The following TBC1D31 variants were observed in gnomAD, a reference collection of about 807,000 sequenced individuals.
TBC1D31 encodes TBC1 domain family member 31.
In TBC1D31, 99 loss-of-function variants were observed where a neutral mutation model predicts 132.9. That is an observed-to-expected ratio of 0.74 (90% confidence interval 0.63 to 0.88). The LOEUF (loss-of-function observed/expected upper bound fraction) is 0.88, where lower values mean the gene tolerates loss of function less well. Ranked by LOEUF, TBC1D31 falls within the 40% of genes least tolerant of loss-of-function variation. TBC1D31 has a pLI of 0.00. For synonymous variants in TBC1D31, 385 were observed against 419.4 expected, an observed-to-expected ratio of 0.92 and a Z score of 1.00; for missense variants, 1,134 against 1,256.6, an observed-to-expected ratio of 0.90 and a Z score of 1.48.
At chr8:123,082,043 T>C (rs974159037) in intron 2 of TBC1D31, among the ~76,000 whole-genome samples, 7 of 152,238 alleles carry the variant, frequency 4.6e-5, no homozygotes, top group Non-Finnish European at 8.8e-5. Context: ...CACGTTGTAT[T>C]TCTTTCAGAC....
chr8:123,159,018 C>T, the TBC1D31 span, among the ~76,000 whole-genome samples: 5 of 152,292 alleles, frequency 3.3e-5, no homozygotes, highest in African/African-American at 1.2e-4. Flanking sequence ...AGGGGGCTTA[C>T]TCCCTGGTAA....
the TBC1D31 span, among the ~76,000 whole-genome samples, chr8:123,163,578 C>A: frequency 6.6e-6 from 1 of 151,350 alleles, no homozygotes; most frequent in Non-Finnish European, 1.5e-5. Flanking sequence ...GTTGCTTAGG[C>A]TGATCTTGAA....
chr8:123,126,580 GATA>G lies in TBC1D31; in HGVS notation c.1781_1783del (p.Asn594del). The G allele has an allele frequency of 6.2e-7, 1 of 1,613,956 alleles. No individual in the cohort carries two copies. The highest frequency in any genetic ancestry group is 1.1e-5 in the South Asian group (1 of 91,064). ...AAGAGAGGAGTGGCTGAAATTGTTC[GATA>G]ATATCTTTTCCAACCATCCTTCCTT... On this transcript the variant is annotated inframe_deletion, in exon 13 of 22. Transcript: ENST00000287380.
chr8:123,105,481 A>G lies in TBC1D31; in HGVS notation c.1209+17A>G. 1 of 1,596,866 alleles carries G rather than the reference A, an allele frequency of 6.3e-7. No individual in the cohort carries two copies. Among genetic ancestry groups the G allele is most frequent in the Middle Eastern group, 1.7e-4 (1 of 6,002 alleles). ...AGTAAAAAGGTAAGAATATTTGGTA[A>G]TTAAACTTTGTCATGATTCTGCTGT... On this transcript the variant is annotated intron_variant, in intron 8 of 21. Transcript: ENST00000287380.
chr8:123,159,429 A>G, the TBC1D31 span, among the ~76,000 whole-genome samples: 1 of 152,224 alleles, frequency 6.6e-6, no homozygotes, highest in Non-Finnish European at 1.5e-5. Context: ...CAACTGCAGA[A>G]CTAACAAGAG....
chr8:123,075,765 G>A (rs1814445977), intron 1 of TBC1D31, among the ~76,000 whole-genome samples: 1 of 151,924 alleles, frequency 6.6e-6, no homozygotes. Context: ...AAATTTTCAT[G>A]ATTAAAAACT....
intron 11 of TBC1D31, among the ~76,000 whole-genome samples, chr8:123,125,262 T>C (rs910165950): frequency 2.0e-5 from 3 of 152,240 alleles, no homozygotes; most frequent in African/African-American, 7.2e-5. Context: ...TGGTCTTATA[T>C]ACGGCTTTGA....
intron 11 of TBC1D31, among the ~76,000 whole-genome samples, chr8:123,125,676 T>C (rs890890102): frequency 6.6e-6 from 1 of 152,192 alleles, no homozygotes; most frequent in Admixed American, 6.5e-5. Flanking sequence ...TTTGAGGAGA[T>C]TGGCATGCTA....
chr8:123,092,422 T>A (rs971471972), intron 4 of TBC1D31, among the ~76,000 whole-genome samples: 3 of 152,188 alleles, frequency 2.0e-5, no homozygotes, highest in Non-Finnish European at 4.4e-5. Flanking sequence ...CCAGCGGCAG[T>A]GTATGACAGT....
At position 123,144,861 on chromosome 8, in the gene TBC1D31, T is replaced by A. The variant is rs371990915; in HGVS notation, c.2974+6T>A. On this transcript the variant is annotated splice_donor_region_variant and intron_variant, in intron 20 of 21. Coordinates refer to ENST00000287380, the MANE Select transcript of TBC1D31 (RefSeq NM_145647.4). ...TGAAAATCCATGTCATAAAGGTGAG[T>A]GTCTGAGAGGCCTTTCTCTCCATGA... is the stretch of plus-strand genomic sequence containing the variant. 11 of 1,605,524 alleles carry A rather than the reference T, an allele frequency of 6.9e-6. No homozygotes were observed. Among genetic ancestry groups the A allele is most frequent in the Non-Finnish European group, 9.3e-6 (11 of 1,177,858 alleles).
intron 1 of TBC1D31, among the ~76,000 whole-genome samples, chr8:123,073,942 T>G (rs1419572640): frequency 6.6e-6 from 1 of 152,164 alleles, no homozygotes; most frequent in Non-Finnish European, 1.5e-5. Context: ...TGTCTCAGTC[T>G]CCCAACGTGC....
chr8:123,098,883 C>T (rs1313984162), intron 6 of TBC1D31, among the ~76,000 whole-genome samples: 1 of 152,118 alleles, frequency 6.6e-6, no homozygotes, highest in African/African-American at 2.4e-5. Flanking sequence ...GCATCAACTG[C>T]AGATGAGGGG....
chr8:123,080,342 A>C (rs556551943), intron 2 of TBC1D31, among the ~76,000 whole-genome samples: 6 of 152,126 alleles, frequency 3.9e-5, no homozygotes, highest in Non-Finnish European at 8.8e-5. Context: ...ATATATGGGA[A>C]ACTAATGGTA....
In TBC1D31 at chr8:123,138,639, G is replaced by A. The variant is rs146009817; in HGVS notation, c.2500-2122G>A. Among the ~76,000 whole-genome samples the A allele has an allele frequency of 2.8e-4, 43 of 152,216 alleles. 1 individual carries two copies. In the East Asian group the frequency reaches 6.2e-3, roughly 22 times the overall value. ...AGCTACTTTCTGTGCCCATGGATTT[G>A]CCTATTCTGGATATTTCATATAAAT... On this transcript the variant is annotated intron_variant, in intron 17 of 21. Transcript: ENST00000287380.
At chr8:123,162,245 C>A in the TBC1D31 span, among the ~76,000 whole-genome samples, 2,937 of 152,010 alleles carry the variant, frequency 0.019, 38 homozygotes, top group Non-Finnish European at 0.028. Flanking sequence ...CCTAGCATGC[C>A]TCTGAGCAAC....
chr8:123,120,081 C>G lies in TBC1D31; in HGVS notation c.1463C>G (p.Ser488Cys). ...QRTLSALAHW[S>C]VIFSDTPYLP... ...ACCTTATCTGCATTAGCTCACTGGTCTGTCATTTTTAGTGACACACCATAT... is the reference window on the plus strand; with the variant it reads ...ACCTTATCTGCATTAGCTCACTGGTGTGTCATTTTTAGTGACACACCATAT... The change falls in exon 11 of 22, where the codon TCT becomes TGT. Residue 488 changes from serine (S) to cysteine (C), a missense_variant. Coordinates refer to ENST00000287380, the MANE Select transcript of TBC1D31 (RefSeq NM_145647.4). The G allele has an allele frequency of 3.1e-6, 5 of 1,607,278 alleles. No individual in the cohort carries two copies. The highest frequency in any genetic ancestry group is 4.2e-6 in the Non-Finnish European group (5 of 1,177,576).
chr8:123,125,607 G>A (rs1819956984), intron 11 of TBC1D31, among the ~76,000 whole-genome samples: 1 of 152,162 alleles, frequency 6.6e-6, no homozygotes, highest in South Asian at 2.1e-4. Flanking sequence ...TATTGCTGAT[G>A]TAATTTTGAA....
At chr8:123,102,009 T>C (rs1298741102) in intron 7 of TBC1D31, among the ~76,000 whole-genome samples, 2 of 152,228 alleles carry the variant, frequency 1.3e-5, no homozygotes, top group African/African-American at 2.4e-5. Flanking sequence ...GTCTAACTTA[T>C]TTCCTCGAAC....
chr8:123,115,690 G>C (rs1290216628), intron 10 of TBC1D31, among the ~76,000 whole-genome samples: 1 of 152,100 alleles, frequency 6.6e-6, no homozygotes, highest in African/African-American at 2.4e-5. Flanking sequence ...AGCTTCTGCA[G>C]GTTTCCCATA....
Sources: allele counts gnomAD v4.1 joint callset (sites outside exome capture counted in the v4.1 genomes callset), GRCh38; gene constraint gnomAD v4.1.1; transcripts MANE v1.5; gene names NCBI Gene and HGNC (gene_info 2026-07-23, HGNC 2026-07-21).